The following MAP2K5 variants were observed in gnomAD, a reference collection of about 807,000 sequenced individuals.
MAP2K5 encodes the protein dual specificity mitogen-activated protein kinase kinase 5.
In MAP2K5, 49 loss-of-function variants were observed where a neutral mutation model predicts 83.1. The ratio of observed to expected loss-of-function variants is 0.59; its 90% confidence interval spans 0.47 to 0.75. The LOEUF (loss-of-function observed/expected upper bound fraction) is 0.75. Ranked by LOEUF, MAP2K5 falls within the 30% of genes least tolerant of loss-of-function variation. The pLI, the probability that MAP2K5 is intolerant of heterozygous loss-of-function variation, is 0.00. For missense variants in MAP2K5, 457 were observed against 557.5 expected (o/e 0.82, Z 1.82); for synonymous variants, 202 against 191.8 (o/e 1.05, Z -0.44).
chr15:67,712,072 A>G (rs2088704804), intron 16 of MAP2K5, among the ~76,000 whole-genome samples: 1 of 152,260 alleles, frequency 6.6e-6, no homozygotes, highest in Non-Finnish European at 1.5e-5. Flanking sequence ...AGCAAATAAA[A>G]TAAGTGATAC....
At chr15:67,806,607 C>T (rs1204354476) in intron 21 of MAP2K5, 39 bp from the exon 22 acceptor site, 9 of 1,526,090 alleles carry the variant, frequency 5.9e-6, no homozygotes, top group Middle Eastern at 1.7e-4. Context: ...CGCGGGAGTC[C>T]GAGGACTGCC....
intron 7 of MAP2K5, among the ~76,000 whole-genome samples, chr15:67,596,913 T>A (rs1279365367): frequency 4.6e-5 from 7 of 152,216 alleles, no homozygotes; most frequent in African/African-American, 7.2e-5. Context: ...GGCTCACGCC[T>A]GTAATCCCAG....
chr15:67,678,107 C>T (rs1393914056), intron 13 of MAP2K5, among the ~76,000 whole-genome samples: 1 of 152,206 alleles, frequency 6.6e-6, no homozygotes, highest in East Asian at 1.9e-4. Context: ...AGAACGTCAG[C>T]ATAGTCTATA....
rs1259578464 is a variant in MAP2K5 at position 67,782,811 on chromosome 15, G to A, written c.1242+10059G>A. ...ATGCAGGGCCTGTGGCACCAGCTCT[G>A]GACTGGAAAGTCCCTTCTCCAAAAC... On this transcript the variant is annotated intron_variant, in intron 21 of 21. Transcript: ENST00000178640. The surrounding 1 kb of genome is among the most constrained non-coding windows in gnomAD (Gnocchi z 4.9). Among the ~76,000 whole-genome samples, 2 of 152,192 alleles carry A rather than the reference G, an allele frequency of 1.3e-5. No homozygotes were observed. The highest frequency in any genetic ancestry group is 2.9e-5 in the Non-Finnish European group (2 of 68,022).
intron 21 of MAP2K5, among the ~76,000 whole-genome samples, chr15:67,797,736 G>A (rs1006075502): frequency 1.3e-5 from 2 of 152,118 alleles, no homozygotes; most frequent in Admixed American, 1.3e-4. Context: ...AGGCTGGAGT[G>A]CAGTGGCGTG....
At chr15:67,584,467 A>G (rs1258042680) in intron 4 of MAP2K5, among the ~76,000 whole-genome samples, 2 of 152,158 alleles carry the variant, frequency 1.3e-5, no homozygotes, top group Admixed American at 6.5e-5. Flanking sequence ...AATGCATGTG[A>G]CTGTAGTTCA....
At chr15:67,805,006 C>T (rs1274182643) in intron 21 of MAP2K5, among the ~76,000 whole-genome samples, 5 of 152,188 alleles carry the variant, frequency 3.3e-5, no homozygotes, top group Non-Finnish European at 5.9e-5. Context: ...GCCTCCATGG[C>T]CCCTGTGCCC....
intron 3 of MAP2K5, among the ~76,000 whole-genome samples, chr15:67,579,865 A>G (rs2085143690): frequency 6.6e-6 from 1 of 152,238 alleles, no homozygotes; most frequent in African/African-American, 2.4e-5. Context: ...ACATGTTTTT[A>G]ATATAGAAAC....
rs2086692867 is a variant in MAP2K5, at chr15:67,640,736, T to A, written c.586-5495T>A. Reference sequence around the variant, plus strand: ...CATGTTATGCTTCTAAATGTTCTTATTTTTTAGACAAAAAAGCATATTGTA... The same window carrying A: ...CATGTTATGCTTCTAAATGTTCTTAATTTTTAGACAAAAAAGCATATTGTA... On this transcript the variant is annotated intron_variant, in intron 9 of 21. Coordinates refer to ENST00000178640, the MANE Select transcript of MAP2K5 (RefSeq NM_145160.3). This position sits in a 1 kb window ranked among gnomAD's most constrained non-coding sequence, Gnocchi z 4.6. 4.3e-6 allele frequency: 1 copy of A among 230,660 alleles called. No homozygotes were observed. The highest frequency in any genetic ancestry group is 6.5e-5 in the Admixed American group (1 of 15,372). The allele number at this position is 230,660 out of a possible 1,614,324, so 14.3% of individuals were successfully genotyped here.
intron 4 of MAP2K5, among the ~76,000 whole-genome samples, chr15:67,584,781 A>G (rs1049486779): frequency 1.3e-5 from 2 of 150,080 alleles, no homozygotes; most frequent in African/African-American, 4.9e-5. Context: ...TGGGTTCACA[A>G]CATTCTCCTG....
At chr15:67,592,600 C>T (rs1320016970) in intron 6 of MAP2K5, among the ~76,000 whole-genome samples, 1 of 152,204 alleles carries the variant, frequency 6.6e-6, no homozygotes, top group African/African-American at 2.4e-5. Flanking sequence ...ACATTGTCCA[C>T]ATGAAATTGC....
At chr15:67,642,561 A>T in intron 9 of MAP2K5, 1 of 920,990 alleles carries the variant, frequency 1.1e-6, no homozygotes, top group Non-Finnish European at 1.8e-6. Flanking sequence ...AGGTTTTTTC[A>T]ATCAGTGCCT....
At chr15:67,715,468 G>A (rs1054002891) in intron 16 of MAP2K5, among the ~76,000 whole-genome samples, 13 of 152,176 alleles carry the variant, frequency 8.5e-5, no homozygotes, top group Admixed American at 7.9e-4. Flanking sequence ...TGTTGAGTTT[G>A]CTTTGTGTTC....
At chr15:67,744,193 G>A (rs1270067657) in intron 17 of MAP2K5, among the ~76,000 whole-genome samples, 2 of 152,060 alleles carry the variant, frequency 1.3e-5, no homozygotes, top group Non-Finnish European at 2.9e-5. Context: ...TTTAGCCAGG[G>A]TTATAGCTTA....
rs927836575 is a variant in MAP2K5 at position 67,702,923 on chromosome 15, A to G, written c.973-414A>G. ...TTCCAGACCAATCTATCAAAATGCA[A>G]ATAAGTGATAATATCATATAATGTT... On this transcript the variant is annotated intron_variant, in intron 15 of 21. Transcript: ENST00000178640. This position sits in a 1 kb window ranked among gnomAD's most constrained non-coding sequence, Gnocchi z 4.6. 2.6e-5 allele frequency among the ~76,000 whole-genome samples: 4 copies of G among 152,230 alleles called. No homozygotes were observed. Among genetic ancestry groups the G allele is most frequent in the African/African-American group, 9.6e-5 (4 of 41,464 alleles).
At chr15:67,567,750 T>C (rs1457564148) in intron 3 of MAP2K5, among the ~76,000 whole-genome samples, 1 of 152,234 alleles carries the variant, frequency 6.6e-6, no homozygotes, top group African/African-American at 2.4e-5. Flanking sequence ...AAATACCTGA[T>C]CATTGCTAAT....
In MAP2K5 at chr15:67,716,670, G is replaced by A. The variant is rs372460891; in HGVS notation, c.1045-11246G>A. On this transcript the variant is annotated intron_variant, in intron 16 of 21. Transcript: ENST00000178640. ...ATCAGACCACTTCTCTTAGCAGTGA[G>A]GAAGCTGGTCTCCAGGGAACTGTGC... Among the ~76,000 whole-genome samples, 12 of 152,300 alleles carry A rather than the reference G, an allele frequency of 7.9e-5. No individual in the cohort carries two copies. In the East Asian group the frequency reaches 2.1e-3, roughly 27 times the overall value.
In MAP2K5 at chr15:67,747,218, T is replaced by C. The variant is rs547620641; in HGVS notation, c.1075-1013T>C. Among the ~76,000 whole-genome samples, 2 of 152,150 alleles carry C rather than the reference T, an allele frequency of 1.3e-5. No individual in the cohort carries two copies. The highest frequency in any genetic ancestry group is 2.9e-5 in the Non-Finnish European group (2 of 68,016). On this transcript the variant is annotated intron_variant, in intron 17 of 21. Coordinates refer to ENST00000178640, the MANE Select transcript of MAP2K5 (RefSeq NM_145160.3). This position sits in a 1 kb window ranked among gnomAD's most constrained non-coding sequence, Gnocchi z 4.1. ...GGGTGGTTGTACAGATCAAATGAGT[T>C]TGTATATGGGAAAGAATTTTTTAAA...
rs1488196199 is a variant in MAP2K5, at chr15:67,779,466, C to T, written c.1242+6714C>T. Among the ~76,000 whole-genome samples, 3 of 152,184 alleles carry T rather than the reference C, an allele frequency of 2.0e-5. No homozygotes were observed. The highest frequency in any genetic ancestry group is 7.2e-5 in the African/African-American group (3 of 41,434). On this transcript the variant is annotated intron_variant, in intron 21 of 21. Transcript: ENST00000178640. The surrounding 1 kb of genome is among the most constrained non-coding windows in gnomAD (Gnocchi z 4.6). ...GGCTTTGTTTTTCCATAGATGTGACCACTTAATCTTTTCACAAGACTTTAG... is the reference window on the plus strand; with the variant it reads ...GGCTTTGTTTTTCCATAGATGTGACTACTTAATCTTTTCACAAGACTTTAG...
Sources: allele counts gnomAD v4.1 joint callset (sites outside exome capture counted in the v4.1 genomes callset), GRCh38; gene constraint gnomAD v4.1.1; non-coding constraint Gnocchi (gnomAD v3.1); transcripts MANE v1.5; gene names NCBI Gene and HGNC (gene_info 2026-07-23, HGNC 2026-07-21).